The following BEND2 variants were observed in gnomAD, a reference collection of about 807,000 sequenced individuals.
BEND2 encodes BEN domain containing 2, also known as BEN domain-containing protein 2.
BEND2 carries 19 observed loss-of-function variants against 43.8 expected under a neutral mutation model. That is an observed-to-expected ratio of 0.43 (90% CI 0.30 to 0.64). The LOEUF (loss-of-function observed/expected upper bound fraction) is 0.64. Ranked by LOEUF, BEND2 falls within the 30% of genes least tolerant of loss-of-function variation. BEND2 has a pLI of 0.11. For missense variants in BEND2, 544 were observed against 574.0 expected, an observed-to-expected ratio of 0.95 and a Z score of 0.53; for synonymous variants, 226 against 210.1, an observed-to-expected ratio of 1.08 and a Z score of -0.66.
intron 10 of BEND2, 29 bp downstream of exon 10, chrX:18,177,540 G>A: frequency 8.6e-7 from 1 of 1,166,381 alleles, no homozygotes; most frequent in East Asian, 3.0e-5. Flanking sequence ...TTAAAAATAA[G>A]ATTCCATTAT....
chrX:18,190,766 T>TCTCACA lies in BEND2; in HGVS notation c.1288+234_1288+235insTGTGAG, dbSNP rs1439593746. On this transcript the variant is annotated intron_variant, in intron 8 of 13. Coordinates refer to ENST00000380033, the MANE Select transcript of BEND2 (RefSeq NM_153346.5). ...CTCTCTCTCTCTCTCTCTCTCTCTC[T>TCTCACA]CACACACACACACACACACACACAC... Among the ~76,000 whole-genome samples the TCTCACA allele has an allele frequency of 5.8e-3, 538 of 92,984 alleles. 4 individuals carry two copies. Among genetic ancestry groups the TCTCACA allele is most frequent in the African/African-American group, 0.02 (497 of 25,453 alleles). 80.7% of individuals were successfully genotyped at this position (92,984 alleles called of 115,157 possible).
intron 13 of BEND2, among the ~76,000 whole-genome samples, chrX:18,170,069 GT>G (rs1346511673): frequency 9.0e-6 from 1 of 111,371 alleles, no homozygotes; most frequent in Non-Finnish European, 1.9e-5. Context: ...ATTGAGTTTA[GT>G]TTTTTTGCCT....
At chrX:18,177,126 A>G (rs1285474960) in intron 10 of BEND2, among the ~76,000 whole-genome samples, 1 of 110,589 alleles carries the variant, frequency 9.0e-6, no homozygotes, top group Non-Finnish European at 1.9e-5. Context: ...CATGTCTGGA[A>G]GGCAGGAAGG....
intron 13 of BEND2, among the ~76,000 whole-genome samples, chrX:18,168,986 C>T (rs1923893987): frequency 1.8e-5 from 2 of 109,403 alleles, no homozygotes; most frequent in South Asian, 4.0e-4. Flanking sequence ...AACCAGATGC[C>T]GAGTGCAGTG....
In BEND2 at chrX:18,164,953, A is replaced by T; in HGVS notation, c.*56T>A. On this transcript the variant is annotated 3_prime_UTR_variant, in exon 14 of 14. Transcript: ENST00000380033. ...CTGATTTTGGAATTAGAACTTGAGAAACTTACAAAATAGTCTTAACAGTTA... is the reference window on the plus strand; with the variant it reads ...CTGATTTTGGAATTAGAACTTGAGATACTTACAAAATAGTCTTAACAGTTA... 8.9e-7 allele frequency: 1 copy of T among 1,121,130 alleles called. No individual in the cohort carries two copies. Among genetic ancestry groups the T allele is most frequent in the Non-Finnish European group, 1.2e-6 (1 of 840,274 alleles). 92.4% of individuals were successfully genotyped at this position (1,121,130 alleles called of 1,213,427 possible). A position where few individuals can be genotyped will look rare whatever the true frequency, so the allele number is the denominator to read the frequency against.
At chrX:18,220,113 C>A (rs763419979) in intron 1 of BEND2, among the ~76,000 whole-genome samples, 43 of 111,180 alleles carry the variant, frequency 3.9e-4, no homozygotes, top group African/African-American at 1.2e-3. Context: ...ATGTAACCCA[C>A]GCGGGCACCC....
At chrX:18,217,411 A>G (rs1925704990) in intron 1 of BEND2, among the ~76,000 whole-genome samples, 3 of 112,472 alleles carry the variant, frequency 2.7e-5, no homozygotes, top group Admixed American at 9.5e-5. Flanking sequence ...AAACTACATC[A>G]TAACTTGGAT....
chrX:18,210,749 A>G, intron 4 of BEND2, among the ~76,000 whole-genome samples: 1 of 112,428 alleles, frequency 8.9e-6, no homozygotes, highest in East Asian at 2.8e-4. Context: ...TCTGTAAATC[A>G]TCTTAAAATA....
intron 11 of BEND2, among the ~76,000 whole-genome samples, chrX:18,174,858 A>C (rs1029526669): frequency 9.1e-6 from 1 of 109,360 alleles, no homozygotes; most frequent in Non-Finnish European, 1.9e-5. Flanking sequence ...CACACAAATC[A>C]CATTGGGGAC....
At chrX:18,192,739 T>C (rs913194637) in intron 7 of BEND2, among the ~76,000 whole-genome samples, 7 of 112,456 alleles carry the variant, frequency 6.2e-5, no homozygotes, top group Admixed American at 4.7e-4. Context: ...CTGTGAAACA[T>C]CCATACCATG....
chrX:18,192,803 T>C (rs1409512927), intron 7 of BEND2, among the ~76,000 whole-genome samples: 2 of 111,715 alleles, frequency 1.8e-5, no homozygotes, highest in Admixed American at 9.6e-5. Flanking sequence ...GTCAGTCAGA[T>C]GACTGTTCAG....
chrX:18,204,001 C>CT (rs1925257129), intron 4 of BEND2, 86 bp from the exon 5 acceptor site: 1 of 922,483 alleles, frequency 1.1e-6, no homozygotes, highest in Admixed American at 3.2e-5. Flanking sequence ...ACAATCAAAA[C>CT]TTTTTTGTGT....
At chrX:18,219,022 A>T (rs775861526) in intron 1 of BEND2, among the ~76,000 whole-genome samples, 1 of 112,107 alleles carries the variant, frequency 8.9e-6, no homozygotes, top group East Asian at 2.8e-4. Flanking sequence ...AGGAACACAC[A>T]GCAAAACGGG....
At chrX:18,182,423 AG>A (rs1924414864) in intron 8 of BEND2, among the ~76,000 whole-genome samples, 1 of 111,585 alleles carries the variant, frequency 9.0e-6, no homozygotes, top group Admixed American at 9.5e-5. Context: ...TCTCAGTCTC[AG>A]GTACTTCTTT....
Position 18,174,186 on chromosome X carries a change from C to A in BEND2, c.1825G>T (p.Gly609Cys). 8.3e-7 allele frequency: 1 copy of A among 1,211,658 alleles called. No homozygotes were observed. The highest frequency in any genetic ancestry group is 1.7e-5 in the African/African-American group (1 of 57,747). Residue 609 changes from glycine (G) to cysteine (C), a missense_variant, in exon 12 of 14, where the codon GGC becomes TGC. Physicochemically the swap from Gly to Cys is radical, Grantham distance 159. Transcript: ENST00000380033. ...SASADRNDQR[G>C]RDGGEGCSWM... ...GAACAGCCTTCACCACCATCTCTGC[C>A]CCTTTGGTCATTTCTATCTGCAGAT...
intron 4 of BEND2, among the ~76,000 whole-genome samples, chrX:18,211,433 T>C (rs891457448): frequency 5.4e-5 from 6 of 111,797 alleles, no homozygotes; most frequent in Non-Finnish European, 1.1e-4. Flanking sequence ...ATAAGCATGT[T>C]CATAGTCACT....
rs151076925 is a variant in BEND2, at chrX:18,205,141, T to C, written c.493-1226A>G. 3.4e-3 allele frequency among the ~76,000 whole-genome samples: 380 copies of C among 110,431 alleles called. 2 individuals are homozygous for C. The highest frequency in any genetic ancestry group is 5.9e-3 in the Non-Finnish European group (311 of 52,827). On this transcript the variant is annotated intron_variant, in intron 4 of 13. Coordinates refer to ENST00000380033, the MANE Select transcript of BEND2 (RefSeq NM_153346.5). ...TTCTTCTTGAAATACACAGAAACTT[T>C]GGGCAAAAAAAAAATACGCTTAAAC... is the stretch of plus-strand genomic sequence containing the variant.
intron 6 of BEND2, among the ~76,000 whole-genome samples, chrX:18,198,511 C>T (rs1193323616): frequency 9.0e-6 from 1 of 111,664 alleles, no homozygotes; most frequent in African/African-American, 3.3e-5. Flanking sequence ...GAGATACCAT[C>T]TCACACCAGT....
intron 13 of BEND2, among the ~76,000 whole-genome samples, chrX:18,169,384 A>T (rs1221766384): frequency 2.7e-5 from 3 of 110,630 alleles, no homozygotes; most frequent in Non-Finnish European, 5.7e-5. Flanking sequence ...AACACAAAAC[A>T]CGAAATGTCT....
Sources: allele counts gnomAD v4.1 joint callset (sites outside exome capture counted in the v4.1 genomes callset), GRCh38; gene constraint gnomAD v4.1.1; transcripts MANE v1.5; gene names NCBI Gene and HGNC (gene_info 2026-07-23, HGNC 2026-07-21).